The following CCDC117 variants were observed in gnomAD, a reference collection of about 807,000 sequenced individuals.
The protein encoded by CCDC117 is coiled-coil domain-containing protein 117.
CCDC117 carries 1 observed loss-of-function variant against 23.5 expected under a neutral mutation model. That is an observed-to-expected ratio of 0.04 (90% CI 0.02 to 0.20). CCDC117 has a LOEUF of 0.20. Ranked by LOEUF, CCDC117 falls within the 10% of genes least tolerant of loss-of-function variation. The pLI, the probability that CCDC117 is intolerant of heterozygous loss-of-function variation, is 1.00. For missense variants in CCDC117, 383 were observed against 348.2 expected (o/e 1.10, Z -0.80); for synonymous variants, 132 against 124.8 (o/e 1.06, Z -0.39).
In CCDC117 at chr22:28,772,932, C is replaced by T. The variant is rs554014892; in HGVS notation, c.83C>T (p.Pro28Leu). The T allele has an allele frequency of 8.8e-4, 1,078 of 1,221,838 alleles. 5 individuals are homozygous for T. The African/African-American group carries it at 0.013, about 14-fold the overall frequency. 75.7% of individuals were successfully genotyped at this position (1,221,838 alleles called of 1,614,324 possible). A position where few individuals can be genotyped will look rare whatever the true frequency, so the allele number is the denominator to read the frequency against. ...DFLQPPQPAF[P>L]GRAFPPGADG... ...CTGCAGCCGCCGCAGCCGGCCTTCCCCGGCCGGGCCTTCCCGCCGGGGGCT... is the reference window on the plus strand; with the variant it reads ...CTGCAGCCGCCGCAGCCGGCCTTCCTCGGCCGGGCCTTCCCGCCGGGGGCT... The change falls in exon 1 of 5, where the codon CCC becomes CTC. Residue 28 changes from proline (P) to leucine (L), a missense_variant. Transcript: ENST00000249064.
chr22:28,782,838 C>T (rs1241914786), intron 3 of CCDC117, among the ~76,000 whole-genome samples: 2 of 152,134 alleles, frequency 1.3e-5, no homozygotes, highest in Admixed American at 6.6e-5. Context: ...TCCTTAAGTA[C>T]TGGGATTACA....
At position 28,772,779 on chromosome 22, in the gene CCDC117, T is replaced by TGGCTGC; in HGVS notation, c.-64_-59dup. ...GGCTGGCGGGTTTTGGCAGTAGCTGTGGCTGCGGCTGCCGGGCCTGGGGAC... is the reference window on the plus strand; with the variant it reads ...GGCTGGCGGGTTTTGGCAGTAGCTGTGGCTGCGGCTGCGGCTGCCGGGCCTGGGGAC... On this transcript the variant is annotated 5_prime_UTR_variant, in exon 1 of 5. Transcript: ENST00000249064. 2 of 1,176,570 alleles carry TGGCTGC rather than the reference T, an allele frequency of 1.7e-6. No homozygotes were observed. The highest frequency in any genetic ancestry group is 2.1e-6 in the Non-Finnish European group (2 of 943,174). 72.9% of individuals were successfully genotyped at this position (1,176,570 alleles called of 1,614,324 possible). A position where few individuals can be genotyped will look rare whatever the true frequency, so the allele number is the denominator to read the frequency against.
At chr22:28,784,965 T>G (rs1169143250) in intron 4 of CCDC117, among the ~76,000 whole-genome samples, 1 of 148,068 alleles carries the variant, frequency 6.8e-6, no homozygotes, top group African/African-American at 2.6e-5. Context: ...GAGTTGGAGT[T>G]TTCACCATGT....
rs1011205923 is a variant in CCDC117 at position 28,788,663 on chromosome 22, A to C, written c.*2337A>C. 10 of 152,600 alleles carry C rather than the reference A, an allele frequency of 6.6e-5. No homozygotes were observed. The highest frequency in any genetic ancestry group is 2.2e-4 in the African/African-American group (9 of 41,448). The allele number at this position is 152,600 out of a possible 1,614,324, so 9.5% of individuals were successfully genotyped here. ...TTTTTTGGACTTTATCTTCTTGCAAAAATTTCTACAAAAATTGTTTTCTTC... is the reference window on the plus strand; with the variant it reads ...TTTTTTGGACTTTATCTTCTTGCAACAATTTCTACAAAAATTGTTTTCTTC... On this transcript the variant is annotated 3_prime_UTR_variant, in exon 5 of 5. Transcript: ENST00000249064.
At chr22:28,782,994 A>G (rs967954774) in intron 3 of CCDC117, among the ~76,000 whole-genome samples, 1 of 151,964 alleles carries the variant, frequency 6.6e-6, no homozygotes, top group African/African-American at 2.4e-5. Flanking sequence ...AGATTTGATT[A>G]TATGTAAAAC....
At chr22:28,773,552 CG>C (rs1462868857) in intron 1 of CCDC117, among the ~76,000 whole-genome samples, 172 bp from the exon 2 acceptor site, 1 of 152,150 alleles carries the variant, frequency 6.6e-6, no homozygotes, top group Non-Finnish European at 1.5e-5. Flanking sequence ...CCAGTTCTGT[CG>C]GGGCAATCCA....
chr22:28,775,734 T>TA (rs754460887), intron 2 of CCDC117, among the ~76,000 whole-genome samples: 13 of 151,816 alleles, frequency 8.6e-5, no homozygotes, highest in Non-Finnish European at 1.9e-4. Flanking sequence ...CCGTCTCTGC[T>TA]AAAAATACAA....
intron 2 of CCDC117, among the ~76,000 whole-genome samples, chr22:28,778,922 C>G: frequency 6.6e-6 from 1 of 152,082 alleles, no homozygotes; most frequent in East Asian, 1.9e-4. Context: ...AGCGCAGAAC[C>G]CAGGTGTTAA....
At chr22:28,775,822 G>C (rs187259705) in intron 2 of CCDC117, among the ~76,000 whole-genome samples, 54 of 152,222 alleles carry the variant, frequency 3.5e-4, no homozygotes, top group Admixed American at 3.5e-3. Context: ...GTTTGAACCT[G>C]GGCGGCAGAG....
intron 4 of CCDC117, among the ~76,000 whole-genome samples, 180 bp from the exon 5 acceptor site, chr22:28,785,909 C>T (rs1468424899): frequency 6.8e-6 from 1 of 146,178 alleles, no homozygotes; most frequent in African/African-American, 2.5e-5. Context: ...GACAACACAG[C>T]AAGACCCCAT....
rs1202830682 is a variant in CCDC117, at chr22:28,781,611, A to C, written c.464+439A>C. 1.5e-4 allele frequency among the ~76,000 whole-genome samples: 8 copies of C among 53,644 alleles called. 2 individuals carry two copies. The highest frequency in any genetic ancestry group is 3.9e-4 in the African/African-American group (2 of 5,104). The allele number at this position is 53,644 out of a possible 152,430, so 35.2% of individuals were successfully genotyped here. A position where few individuals can be genotyped will look rare whatever the true frequency, so the allele number is the denominator to read the frequency against. The stretch of plus-strand genomic sequence containing the variant: ...CGTGATCCGCCCGCCTCGGCCTCCC[A>C]AAGTGCTGGGATTACAGGCGTGAGC... On this transcript the variant is annotated intron_variant, in intron 3 of 4. Transcript: ENST00000249064.
In CCDC117 at chr22:28,788,763, A is replaced by G. The variant is rs2031588968; in HGVS notation, c.*2437A>G. On this transcript the variant is annotated 3_prime_UTR_variant, in exon 5 of 5. Transcript: ENST00000249064. ...CTGCTTTTTGTTTTACTTTTGTAGCATAAGGTTTTTGCTTTTGCTTTGCCT... is the reference window on the plus strand; with the variant it reads ...CTGCTTTTTGTTTTACTTTTGTAGCGTAAGGTTTTTGCTTTTGCTTTGCCT... The G allele has an allele frequency of 6.6e-6, 1 of 152,574 alleles. No homozygotes were observed. The highest frequency in any genetic ancestry group is 2.1e-4 in the South Asian group (1 of 4,822). 9.5% of individuals were successfully genotyped at this position (152,574 alleles called of 1,614,324 possible). A position where few individuals can be genotyped will look rare whatever the true frequency, so the allele number is the denominator to read the frequency against.
chr22:28,779,417 G>A (rs1043423155), intron 2 of CCDC117, among the ~76,000 whole-genome samples: 2 of 151,788 alleles, frequency 1.3e-5, no homozygotes, highest in African/African-American at 4.8e-5. Flanking sequence ...TGTTGGCCAG[G>A]CTCATCTCAA....
At chr22:28,777,446 A>C (rs1348774203) in intron 2 of CCDC117, among the ~76,000 whole-genome samples, 1 of 151,822 alleles carries the variant, frequency 6.6e-6, no homozygotes, top group Non-Finnish European at 1.5e-5. Context: ...AAGGTTAAAG[A>C]AGTTTAGATT....
At chr22:28,784,942 T>G (rs1325123145) in intron 4 of CCDC117, among the ~76,000 whole-genome samples, 4 of 151,182 alleles carry the variant, frequency 2.6e-5, no homozygotes, top group African/African-American at 9.7e-5. Flanking sequence ...GCTAGTTTTT[T>G]GTATTTTTAG....
rs1237939446 is a variant in CCDC117 at position 28,788,229 on chromosome 22, A to G, written c.*1903A>G. The G allele has an allele frequency of 6.5e-6, 1 of 152,686 alleles. No individual in the cohort carries two copies. The highest frequency in any genetic ancestry group is 2.4e-5 in the African/African-American group (1 of 41,462). 9.5% of individuals were successfully genotyped at this position (152,686 alleles called of 1,614,324 possible). A position where few individuals can be genotyped will look rare whatever the true frequency, so the allele number is the denominator to read the frequency against. The stretch of plus-strand genomic sequence containing the variant: ...AATGTGCAAGTGTTTGATTCATGCC[A>G]TTTGATAAACTTCTGCCTTGTAGTC... On this transcript the variant is annotated 3_prime_UTR_variant, in exon 5 of 5. Coordinates refer to ENST00000249064, the MANE Select transcript of CCDC117 (RefSeq NM_173510.4).
chr22:28,780,360 G>GA (rs1311328925), intron 2 of CCDC117, among the ~76,000 whole-genome samples: 5 of 152,186 alleles, frequency 3.3e-5, no homozygotes, highest in Non-Finnish European at 7.3e-5. Context: ...AACCTCATGA[G>GA]ACATGTTTTT....
intron 2 of CCDC117, among the ~76,000 whole-genome samples, chr22:28,777,687 T>C (rs1455390524): frequency 1.3e-5 from 2 of 151,804 alleles, no homozygotes; most frequent in African/African-American, 4.8e-5. Flanking sequence ...TTTTTATATT[T>C]TTAGTAGAGA....
At chr22:28,777,914 G>A (rs1170640693) in intron 2 of CCDC117, among the ~76,000 whole-genome samples, 2 of 150,668 alleles carry the variant, frequency 1.3e-5, no homozygotes, top group Non-Finnish European at 2.9e-5. Flanking sequence ...ACAGTCGCAC[G>A]ATCAGGGTTC....
Sources: gnomAD v4.1 joint callset for allele counts (sites outside exome capture counted in the v4.1 genomes callset) on GRCh38, gnomAD v4.1.1 for gene constraint, MANE v1.5 for transcripts, NCBI Gene and HGNC (gene_info 2026-07-23, HGNC 2026-07-21) for gene names.